The following AGBL1 variants were observed in gnomAD, a reference collection of about 807,000 sequenced individuals.
AGBL1 encodes the protein cytosolic carboxypeptidase 4.
Under a neutral mutation model 118.9 loss-of-function variants are expected in AGBL1, and 130 were observed. The observed-to-expected ratio is 1.09, with a 90% confidence interval of 0.95 to 1.26. AGBL1 has a LOEUF of 1.26. Among genes scored for constraint, AGBL1 ranks in the 50% most tolerant of loss-of-function variants. AGBL1 has a pLI of 0.00. For synonymous variants in AGBL1, 555 were observed against 478.9 expected, an observed-to-expected ratio of 1.16 and a Z score of -2.08; for missense variants, 1,584 against 1,298.1, an observed-to-expected ratio of 1.22 and a Z score of -3.38.
chr15:86,723,932 C>T (rs1453958405), intron 22 of AGBL1, among the ~76,000 whole-genome samples: 1 of 151,878 alleles, frequency 6.6e-6, no homozygotes, highest in Non-Finnish European at 1.5e-5. Context: ...AGTAAGATGA[C>T]TAAATCAAAA....
chr15:86,885,671 A>G (rs1179982586), intron 22 of AGBL1, among the ~76,000 whole-genome samples: 4 of 152,214 alleles, frequency 2.6e-5, no homozygotes, highest in Non-Finnish European at 5.9e-5. Context: ...TAAGATATAG[A>G]TAACTGTAAA....
chr15:86,279,356 G>C (rs1597670555), intron 15 of AGBL1, among the ~76,000 whole-genome samples: 1 of 152,156 alleles, frequency 6.6e-6, no homozygotes, highest in African/African-American at 2.4e-5. Flanking sequence ...TGACTATATA[G>C]CCCTCATTTT....
chr15:86,733,681 T>A (rs183960018), intron 22 of AGBL1, among the ~76,000 whole-genome samples: 2 of 152,202 alleles, frequency 1.3e-5, no homozygotes, highest in Non-Finnish European at 2.9e-5. Context: ...TCATTCTATA[T>A]GTGCTCGTAA....
intron 18 of AGBL1, among the ~76,000 whole-genome samples, chr15:86,509,502 C>A: frequency 6.6e-6 from 1 of 151,994 alleles, no homozygotes; most frequent in East Asian, 1.9e-4. Flanking sequence ...TTTACACATC[C>A]TTTTTTAGGT....
In AGBL1 at chr15:86,266,977, T is replaced by G. The variant is rs912255168; in HGVS notation, c.1752-13T>G. On this transcript the variant is annotated splice_polypyrimidine_tract_variant and intron_variant, in intron 12 of 22. Transcript: ENST00000614907. ...ATAACACATATGTTCACATGTTCCT[T>G]ATTTCATTGTAGGCCTTTGCAAGAC... is the stretch of plus-strand genomic sequence containing the variant. The G allele has an allele frequency of 4.5e-5, 69 of 1,548,890 alleles. No individual in the cohort carries two copies. Among genetic ancestry groups the G allele is most frequent in the Non-Finnish European group, 4.4e-5 (50 of 1,140,180 alleles).
intron 23 of AGBL1, among the ~76,000 whole-genome samples, chr15:86,948,292 G>A (rs1386030658): frequency 6.6e-6 from 1 of 151,930 alleles, no homozygotes. Flanking sequence ...AACAATATGT[G>A]TAAATGACAG....
intron 22 of AGBL1, among the ~76,000 whole-genome samples, chr15:86,884,992 T>C (rs2141541458): frequency 6.6e-6 from 1 of 152,302 alleles, no homozygotes; most frequent in South Asian, 2.1e-4. Context: ...AACTACCTAA[T>C]AGAACATATG....
intron 11 of AGBL1, 110 bp downstream of exon 11, chr15:86,264,948 C>G: frequency 5.6e-6 from 6 of 1,073,862 alleles, no homozygotes; most frequent in South Asian, 2.0e-5. Flanking sequence ...GAGCATTAAT[C>G]AGGAACATGT....
chr15:86,912,696 GAGA>G lies in AGBL1; in HGVS notation c.*5405_*5407del. 1 of 152,292 alleles carries G rather than the reference GAGA, an allele frequency of 6.6e-6. No individual in the cohort carries two copies. Among genetic ancestry groups the G allele is most frequent in the South Asian group, 2.1e-4 (1 of 4,812 alleles). The allele number at this position is 152,292 out of a possible 1,614,324, so 9.4% of individuals were successfully genotyped here. A position where few individuals can be genotyped will look rare whatever the true frequency, so the allele number is the denominator to read the frequency against. On this transcript the variant is annotated 3_prime_UTR_variant, in exon 23 of 23. Transcript: ENST00000614907. ...AAGGGCAGCCTCTGCCCTATGCCAA[GAGA>G]AGGAGCTCCCAGGAAATGCCTGACA... is the stretch of plus-strand genomic sequence containing the variant.
intron 18 of AGBL1, among the ~76,000 whole-genome samples, chr15:86,482,569 C>A (rs975467308): frequency 1.3e-5 from 2 of 152,038 alleles, no homozygotes; most frequent in Non-Finnish European, 2.9e-5. Flanking sequence ...TGCACTGAAA[C>A]CCTGGCTGGA....
chr15:86,210,770 T>C (rs537821433), intron 5 of AGBL1, among the ~76,000 whole-genome samples: 19 of 152,228 alleles, frequency 1.2e-4, no homozygotes, highest in Admixed American at 3.3e-4. Context: ...CATCCTCCTT[T>C]AGCTCAGGGA....
At chr15:86,783,510 A>G (rs1015288063) in intron 22 of AGBL1, among the ~76,000 whole-genome samples, 1 of 152,214 alleles carries the variant, frequency 6.6e-6, no homozygotes. Flanking sequence ...TCTTCCCATC[A>G]TGGTAGAGTG....
intron 22 of AGBL1, among the ~76,000 whole-genome samples, chr15:86,757,525 G>C (rs902485526): frequency 6.6e-6 from 1 of 152,050 alleles, no homozygotes; most frequent in Non-Finnish European, 1.5e-5. Context: ...TATTAACTCT[G>C]ATTTTACAGA....
rs2081611764 is a variant in AGBL1 at position 87,016,818 on chromosome 15, A to ATCTT, written c.3324-12005_3324-12002dup. 2.0e-5 allele frequency among the ~76,000 whole-genome samples: 3 copies of ATCTT among 152,228 alleles called. No individual in the cohort carries two copies. The South Asian group carries it at 6.2e-4, about 32-fold the overall frequency. On this transcript the variant is annotated intron_variant, in intron 24 of 24. Coordinates refer to the AGBL1 transcript ENST00000441037. ...CTGGGAAATCATGCTTCTCCCACAG[A>ATCTT]TCTTTGCAACCAGCAGATCAGGGAT...
chr15:86,373,715 G>A (rs1188995827), intron 17 of AGBL1, among the ~76,000 whole-genome samples: 2 of 152,170 alleles, frequency 1.3e-5, no homozygotes, highest in African/African-American at 4.8e-5. Context: ...TGTAGGCAAA[G>A]CACAGCATGC....
At chr15:86,087,650 A>G (rs980951289) in intron 1 of AGBL1, among the ~76,000 whole-genome samples, 1 of 152,156 alleles carries the variant, frequency 6.6e-6, no homozygotes, top group Admixed American at 6.5e-5. Context: ...CTTTGCAACA[A>G]TCCTAAGGCA....
intron 21 of AGBL1, among the ~76,000 whole-genome samples, chr15:86,568,668 A>G (rs765946057): frequency 2.6e-5 from 4 of 152,218 alleles, no homozygotes; most frequent in Non-Finnish European, 5.9e-5. Flanking sequence ...CATCAGCAGC[A>G]TCTGGGATTT....
intron 17 of AGBL1, among the ~76,000 whole-genome samples, chr15:86,389,572 G>A (rs2081246777): frequency 6.6e-6 from 1 of 152,180 alleles, no homozygotes. Flanking sequence ...AAAGTTTGTA[G>A]ATGCAGCAAG....
At chr15:86,795,497 G>A (rs1396990220) in intron 22 of AGBL1, among the ~76,000 whole-genome samples, 2 of 151,836 alleles carry the variant, frequency 1.3e-5, no homozygotes, top group Non-Finnish European at 1.5e-5. Context: ...TGATGTTCAG[G>A]AGTTCAACTC....
Sources: allele counts gnomAD v4.1 joint callset (sites outside exome capture counted in the v4.1 genomes callset), GRCh38; gene constraint gnomAD v4.1.1; transcripts MANE v1.5; gene names NCBI Gene and HGNC (gene_info 2026-07-23, HGNC 2026-07-21).